CACNG3: variants seen among roughly 807,000 people sequenced by gnomAD.
CACNG3 encodes the protein voltage-dependent calcium channel gamma-3 subunit.
A neutral mutation model predicts 28.5 loss-of-function variants in CACNG3; 3 were observed. The ratio of observed to expected loss-of-function variants is 0.11; its 90% confidence interval spans 0.05 to 0.27. The LOEUF (loss-of-function observed/expected upper bound fraction) is 0.27. Among genes scored for constraint, CACNG3 ranks in the 10% least tolerant of loss-of-function variants. CACNG3 has a pLI of 1.00. For missense variants in CACNG3, 236 were observed against 414.4 expected (o/e 0.57, Z 3.74); for synonymous variants, 174 against 162.2 (o/e 1.07, Z -0.55).
At chr16:24,333,682 T>A (rs1336840769) in intron 1 of CACNG3, 3 of 152,014 alleles carry the variant, frequency 2.0e-5, no homozygotes, top group Non-Finnish European at 2.9e-5. Context: ...CAAAAAAAAA[T>A]AATTTAAAAA....
intron 1 of CACNG3, among the ~76,000 whole-genome samples, chr16:24,328,854 G>A (rs920582076): frequency 2.6e-5 from 4 of 152,252 alleles, no homozygotes; most frequent in East Asian, 1.9e-4. Flanking sequence ...TCCAAAATGC[G>A]TCTGCGTCCA....
chr16:24,348,092 T>C (rs1160181028), intron 2 of CACNG3, among the ~76,000 whole-genome samples: 2 of 152,166 alleles, frequency 1.3e-5, no homozygotes, highest in Admixed American at 6.5e-5. Context: ...CAAGAATTTG[T>C]GTTGGATTCA....
chr16:24,274,102 G>A (rs983139075), intron 1 of CACNG3, among the ~76,000 whole-genome samples: 3 of 150,598 alleles, frequency 2.0e-5, no homozygotes, highest in Admixed American at 6.7e-5. Flanking sequence ...CAAGAGAATC[G>A]CTTGAACCTC....
At chr16:24,311,165 G>A (rs867637298) in intron 1 of CACNG3, among the ~76,000 whole-genome samples, 11 of 152,182 alleles carry the variant, frequency 7.2e-5, no homozygotes, top group Admixed American at 2.6e-4. Flanking sequence ...TCTGTAAAAC[G>A]CGGACAGTGT....
intron 1 of CACNG3, among the ~76,000 whole-genome samples, chr16:24,273,772 AT>A (rs1343319145): frequency 6.6e-6 from 1 of 152,150 alleles, no homozygotes; most frequent in Non-Finnish European, 1.5e-5. Context: ...CATGCCATAT[AT>A]TTATTTGCAT....
intron 1 of CACNG3, among the ~76,000 whole-genome samples, chr16:24,317,610 G>GAAATAAAGGA (rs1170455871): frequency 1.5e-5 from 1 of 66,590 alleles, no homozygotes; most frequent in African/African-American, 6.9e-5. Context: ...AAGAAAGAAA[G>GAAATAAAGGA]AAAGAAAGAA....
At chr16:24,277,856 A>G (rs1386803823) in intron 1 of CACNG3, among the ~76,000 whole-genome samples, 1 of 151,762 alleles carries the variant, frequency 6.6e-6, no homozygotes, top group East Asian at 1.9e-4. Context: ...AAATTGATGT[A>G]TGTATGGTAT....
At chr16:24,310,324 G>A (rs1193512321) in intron 1 of CACNG3, among the ~76,000 whole-genome samples, 1 of 152,210 alleles carries the variant, frequency 6.6e-6, no homozygotes, top group Non-Finnish European at 1.5e-5. Flanking sequence ...AGCACTTTGG[G>A]AGGCCAAGGT....
intron 1 of CACNG3, among the ~76,000 whole-genome samples, chr16:24,288,403 G>T (rs933271342): frequency 6.6e-6 from 1 of 152,100 alleles, no homozygotes; most frequent in African/African-American, 2.4e-5. Flanking sequence ...GTAAGTATTG[G>T]ACCTGGGAAT....
At chr16:24,337,354 C>T (rs1899726108) in intron 1 of CACNG3, among the ~76,000 whole-genome samples, 3 of 152,150 alleles carry the variant, frequency 2.0e-5, no homozygotes, top group Non-Finnish European at 4.4e-5. Context: ...GACAAGCAGC[C>T]TTATACCCCT....
At chr16:24,360,922 C>G (rs950024797) in intron 3 of CACNG3, among the ~76,000 whole-genome samples, 2 of 152,202 alleles carry the variant, frequency 1.3e-5, no homozygotes. Flanking sequence ...GTCTCCTTAG[C>G]ACCCTTACTG....
Position 24,361,903 on chromosome 16 carries a change from G to A in CACNG3, c.*40G>A. 2 of 1,559,462 alleles carry A rather than the reference G, an allele frequency of 1.3e-6. No homozygotes were observed. Among genetic ancestry groups the A allele is most frequent in the South Asian group, 1.2e-5 (1 of 83,394 alleles). ...TCTGCCCCACGCCCAGCACAGCCTT[G>A]GGGGAAGTGTACAGAGATGTCTCTG... On this transcript the variant is annotated 3_prime_UTR_variant, in exon 4 of 4. Coordinates refer to ENST00000005284, the MANE Select transcript of CACNG3 (RefSeq NM_006539.4). This position sits in a 1 kb window ranked among gnomAD's most constrained non-coding sequence, Gnocchi z 6.8.
intron 1 of CACNG3, among the ~76,000 whole-genome samples, chr16:24,275,378 T>C (rs1898740550): frequency 6.6e-6 from 1 of 152,166 alleles, no homozygotes; most frequent in Non-Finnish European, 1.5e-5. Context: ...AAAATGTCCC[T>C]GATGAAGCCA....
chr16:24,257,369 GAGAGAGAGAGAGAGA>G (rs1412033114), intron 1 of CACNG3, among the ~76,000 whole-genome samples: 289 of 19,610 alleles, frequency 0.015, 23 homozygotes, highest in African/African-American at 0.045. Flanking sequence ...AGTGAGGGGG[GAGAGAGAGAGAGAGA>G]GAGAGAGAGA....
At chr16:24,286,246 T>C (rs886695797) in intron 1 of CACNG3, among the ~76,000 whole-genome samples, 1 of 152,160 alleles carries the variant, frequency 6.6e-6, no homozygotes, top group Non-Finnish European at 1.5e-5. Context: ...TGTTCTTATA[T>C]ACTAGTGCTT....
intron 1 of CACNG3, among the ~76,000 whole-genome samples, chr16:24,261,835 T>C (rs1898540857): frequency 6.6e-6 from 1 of 152,198 alleles, no homozygotes; most frequent in Non-Finnish European, 1.5e-5. Flanking sequence ...TTCTCCCATA[T>C]TTCCAAAACT....
chr16:24,354,381 T>C (rs1428505165), intron 2 of CACNG3, among the ~76,000 whole-genome samples: 1 of 151,998 alleles, frequency 6.6e-6, no homozygotes, highest in Non-Finnish European at 1.5e-5. Flanking sequence ...TCTCCTTGTG[T>C]CCGTGCCTGG....
At position 24,354,922 on chromosome 16, in the gene CACNG3, C is replaced by A; in HGVS notation, c.385C>A (p.Arg129Ser). 2 of 1,612,560 alleles carry A rather than the reference C, an allele frequency of 1.2e-6. No individual in the cohort carries two copies. Among genetic ancestry groups the A allele is most frequent in the South Asian group, 2.2e-5 (2 of 91,004 alleles). ...CTGCGTGGCAGCCAGTGAGTTCCAC[C>A]GCAGCAGACACAACGTCATTCTCAG... ...GLCVAASEFH[R>S]SRHNVILSAG... The change falls in exon 3 of 4, where the codon CGC becomes AGC. Residue 129 changes from arginine to serine, a missense_variant. Around this residue, in one of 2 missense-constraint regions of CACNG3, gnomAD observed 120 missense variants for 263.4 expected, o/e 0.46. Coordinates refer to ENST00000005284, the MANE Select transcript of CACNG3 (RefSeq NM_006539.4).
rs1567217548 is a variant in CACNG3 at position 24,317,630 on chromosome 16, GACA to G, written c.212-29103_212-29101del. On this transcript the variant is annotated intron_variant, in intron 1 of 3. Coordinates refer to ENST00000005284, the MANE Select transcript of CACNG3 (RefSeq NM_006539.4). ...AGAAAGAAAGAAAGAAAGAAAGACA[GACA>G]GAAAGAAAGAAAAGAAAAGAAAGAA... Among the ~76,000 whole-genome samples, 37 of 41,108 alleles carry G rather than the reference GACA, an allele frequency of 9.0e-4. 3 individuals carry two copies. Among genetic ancestry groups the G allele is most frequent in the East Asian group, 8.8e-3 (13 of 1,474 alleles). 27.0% of individuals were successfully genotyped at this position (41,108 alleles called of 152,430 possible).
Sources: allele counts gnomAD v4.1 joint callset (sites outside exome capture counted in the v4.1 genomes callset), GRCh38; gene constraint gnomAD v4.1.1; regional missense constraint gnomAD v4.1.1; non-coding constraint Gnocchi (gnomAD v3.1); transcripts MANE v1.5; gene names NCBI Gene and HGNC (gene_info 2026-07-23, HGNC 2026-07-21).